Variants in NBAS observed in about 807,000 individuals in gnomAD.
The protein encoded by NBAS is NAG/BC035112 fusion.
NBAS carries 219 observed loss-of-function variants against 302.5 expected under a neutral mutation model. That is an observed-to-expected ratio of 0.72 (90% CI 0.65 to 0.81). The LOEUF is 0.81. NBAS is among the 30% of genes least tolerant of loss of function. The pLI, the probability that NBAS is intolerant of heterozygous loss-of-function variation, is 0.00. For synonymous variants in NBAS, 1,118 were observed against 1,021.6 expected (o/e 1.09, Z -1.80); for missense variants, 2,932 against 2,841.6 (o/e 1.03, Z -0.72).
intron 11 of NBAS, among the ~76,000 whole-genome samples, chr2:15,491,318 A>C (rs1680844113): frequency 6.6e-6 from 1 of 152,264 alleles, no homozygotes; most frequent in Non-Finnish European, 1.5e-5. Context: ...CTGAAGACAG[A>C]GTCACAGGGA....
At position 15,292,676 on chromosome 2, in the gene NBAS, T is replaced by C. The variant is rs756218895; in HGVS notation, c.4888A>G (p.Lys1630Glu). 1 of 1,614,100 alleles carries C rather than the reference T, an allele frequency of 6.2e-7. No individual in the cohort carries two copies. The highest frequency in any genetic ancestry group is 1.3e-5 in the African/African-American group (1 of 74,930). ...AWPEDLISLT[K>E]QLHCYNERLL... ...CGTTCATTGTAGCAGTGTAACTGCT[T>C]GGTCAGTGAAATAAGGTCTTCAGGC... Residue 1630 changes from lysine (K) to glutamate (E), a missense_variant, in exon 41 of 52, where the codon AAG becomes GAG. Physicochemically the swap from Lys to Glu is moderately conservative, Grantham distance 56. Transcript: ENST00000281513.
the NBAS span, among the ~76,000 whole-genome samples, chr2:15,019,496 T>C: frequency 0.48 from 72,373 of 151,848 alleles, 18,915 homozygotes; most frequent in African/African-American, 0.69. Context: ...AGAAAGAGAA[T>C]CAGAATTGTG....
At chr2:14,877,624 A>G in the NBAS span, among the ~76,000 whole-genome samples, 7 of 152,046 alleles carry the variant, frequency 4.6e-5, no homozygotes, top group African/African-American at 1.7e-4. Context: ...AGTTAGGAAA[A>G]CATGGGTTTT....
the NBAS span, among the ~76,000 whole-genome samples, chr2:15,085,015 A>G: frequency 6.6e-6 from 1 of 152,148 alleles, no homozygotes; most frequent in African/African-American, 2.4e-5. Flanking sequence ...GAGGAGGCGG[A>G]CAGCGCCCCA....
intron 45 of NBAS, among the ~76,000 whole-genome samples, chr2:15,236,761 T>C (rs1667614023): frequency 6.6e-6 from 1 of 152,078 alleles, no homozygotes; most frequent in Admixed American, 6.5e-5. Context: ...TAAATGTTAG[T>C]AGGATAAAAT....
At chr2:15,038,014 T>C in the NBAS span, among the ~76,000 whole-genome samples, 1 of 151,736 alleles carries the variant, frequency 6.6e-6, no homozygotes, top group Non-Finnish European at 1.5e-5. Context: ...ATACAAGTAT[T>C]TTGAGAAATT....
chr2:14,952,841 T>C, the NBAS span, among the ~76,000 whole-genome samples: 9 of 152,316 alleles, frequency 5.9e-5, no homozygotes, highest in African/African-American at 2.2e-4. Context: ...CAGCAATGAA[T>C]CCCTGCTCTA....
chr2:15,097,494 T>C, the NBAS span, among the ~76,000 whole-genome samples: 1 of 152,148 alleles, frequency 6.6e-6, no homozygotes, highest in Non-Finnish European at 1.5e-5. Context: ...GAGAGGCTGA[T>C]AAACCACAGA....
At chr2:15,110,812 T>C in the NBAS span, among the ~76,000 whole-genome samples, 2 of 152,190 alleles carry the variant, frequency 1.3e-5, no homozygotes, top group Non-Finnish European at 2.9e-5. Flanking sequence ...CCCATTCCAC[T>C]TTTAAGTCTA....
chr2:15,468,681 GA>G, intron 16 of NBAS, 148 bp from the exon 17 acceptor site: 3 of 889,168 alleles, frequency 3.4e-6, no homozygotes, highest in Non-Finnish European at 5.3e-6. Flanking sequence ...GAACTCAAGA[GA>G]AAAGCAGCCA....
intron 19 of NBAS, among the ~76,000 whole-genome samples, chr2:15,463,798 A>AAAAAG (rs1679609291): frequency 6.6e-6 from 1 of 151,678 alleles, no homozygotes; most frequent in African/African-American, 2.4e-5. Flanking sequence ...CAAAAAAAAA[A>AAAAAG]AAAAAAAGCA....
At chr2:15,109,397 G>A in the NBAS span, among the ~76,000 whole-genome samples, 2 of 152,088 alleles carry the variant, frequency 1.3e-5, no homozygotes, top group African/African-American at 2.4e-5. Flanking sequence ...AAGTAACTGA[G>A]GATAACAATC....
chr2:15,212,942 A>T (rs1572458958), intron 48 of NBAS, among the ~76,000 whole-genome samples: 1 of 152,212 alleles, frequency 6.6e-6, no homozygotes, highest in Admixed American at 6.5e-5. Flanking sequence ...CTAATACGGT[A>T]TCTAAACCTT....
At chr2:15,097,926 A>ATTG in the NBAS span, among the ~76,000 whole-genome samples, 7 of 37,060 alleles carry the variant, frequency 1.9e-4, no homozygotes, top group South Asian at 1.7e-3. Flanking sequence ...TATATATTAT[A>ATTG]TATATTACAT....
intron 38 of NBAS, among the ~76,000 whole-genome samples, chr2:15,310,821 T>C (rs74322751): frequency 5.3e-4 from 80 of 152,378 alleles, no homozygotes; most frequent in African/African-American, 1.9e-3. Flanking sequence ...TCTGTGAATA[T>C]AAACTTCTTC....
intron 21 of NBAS, among the ~76,000 whole-genome samples, chr2:15,452,610 T>C (rs1008773788): frequency 4.7e-5 from 7 of 149,758 alleles, no homozygotes; most frequent in Non-Finnish European, 1.0e-4. Context: ...AAAAAGTGTA[T>C]CATAGCCAAA....
intron 31 of NBAS, 142 bp from the exon 32 acceptor site, chr2:15,366,835 A>T: frequency 1.4e-6 from 1 of 739,896 alleles, no homozygotes; most frequent in Non-Finnish European, 2.4e-6. Context: ...AGTAAAAGGC[A>T]CGTTTAACAA....
At chr2:14,866,641 C>T in the NBAS span, among the ~76,000 whole-genome samples, 1 of 152,082 alleles carries the variant, frequency 6.6e-6, no homozygotes, top group African/African-American at 2.4e-5. Flanking sequence ...ATATTCTTCT[C>T]ACTCACTCCA....
chr2:15,087,296 G>A, the NBAS span, among the ~76,000 whole-genome samples: 69 of 151,892 alleles, frequency 4.5e-4, no homozygotes, highest in African/African-American at 1.5e-3. Context: ...TTCTAATACA[G>A]TTATTATATG....
Sources: gnomAD v4.1 joint callset for allele counts (sites outside exome capture counted in the v4.1 genomes callset) on GRCh38, gnomAD v4.1.1 for gene constraint, MANE v1.5 for transcripts, NCBI Gene and HGNC (gene_info 2026-07-23, HGNC 2026-07-21) for gene names.